Variants in MET observed in about 807,000 individuals in gnomAD.
The protein encoded by MET is MET proto-oncogene, receptor tyrosine kinase.
A neutral mutation model predicts 133.1 loss-of-function variants in MET; 48 were observed. The ratio of observed to expected loss-of-function variants is 0.36; its 90% CI spans 0.29 to 0.46. The LOEUF (loss-of-function observed/expected upper bound fraction) is 0.46. MET is among the 20% of genes least tolerant of loss of function. The pLI is 1.00. For synonymous variants in MET, 628 were observed against 616.5 expected, an observed-to-expected ratio of 1.02 and a Z score of -0.28; for missense variants, 1,442 against 1,695.9, an observed-to-expected ratio of 0.85 and a Z score of 2.63.
intron 5 of MET, among the ~76,000 whole-genome samples, chr7:116,754,903 GAA>G (rs1794074790): frequency 1.2e-5 from 1 of 81,400 alleles, no homozygotes; most frequent in East Asian, 4.5e-4. Flanking sequence ...GAGAAAGAAA[GAA>G]AGAAAGAAAG....
At chr7:116,780,050 G>A (rs1179192792) in intron 17 of MET, among the ~76,000 whole-genome samples, 1 of 152,184 alleles carries the variant, frequency 6.6e-6, no homozygotes, top group African/African-American at 2.4e-5. Context: ...CACTGCTGTG[G>A]CTCCAACACC....
intron 19 of MET, among the ~76,000 whole-genome samples, chr7:116,789,045 C>G (rs1229728910): frequency 6.6e-6 from 1 of 152,176 alleles, no homozygotes; most frequent in East Asian, 1.9e-4. Flanking sequence ...CAGCCCTTAT[C>G]TGCCTCATCT....
Position 116,757,552 on chromosome 7 carries a change from C to G in MET, c.1965+13C>G, listed in dbSNP as rs755216488. On this transcript the variant is annotated intron_variant, in intron 7 of 20. Coordinates refer to ENST00000397752, the MANE Select transcript of MET (RefSeq NM_000245.4). ...ATTCTCCTATGTGGTAAGGAAGATT[C>G]TATCCTATCATGTTTGATTTTTACT... 2 of 1,612,970 alleles carry G rather than the reference C, an allele frequency of 1.2e-6. No homozygotes were observed. The highest frequency in any genetic ancestry group is 3.3e-5 in the Admixed American group (2 of 59,996).
At position 116,749,691 on chromosome 7, in the gene MET, A is replaced by T. The variant is rs1378925174; in HGVS notation, c.1702-5664A>T. The stretch of plus-strand genomic sequence containing the variant: ...ATTGTCTCTGTTTGCAGATGACATG[A>T]TTGCATATTTAGAAAACCCCATCGT... On this transcript the variant is annotated intron_variant, in intron 5 of 20. Coordinates refer to ENST00000397752, the MANE Select transcript of MET (RefSeq NM_000245.4). Among the ~76,000 whole-genome samples the T allele has an allele frequency of 2.6e-5, 4 of 152,200 alleles. No individual in the cohort carries two copies. In the South Asian group the frequency reaches 6.2e-4, roughly 24 times the overall value.
In MET at chr7:116,718,393, A is replaced by AAATG. The variant is rs1169031386; in HGVS notation, c.1201-13272_1201-13271insGAAT. Among the ~76,000 whole-genome samples the AAATG allele has an allele frequency of 9.6e-4, 146 of 152,152 alleles. 1 individual carries two copies. Among genetic ancestry groups the AAATG allele is most frequent in the African/African-American group, 3.4e-3 (142 of 41,542 alleles). On this transcript the variant is annotated intron_variant, in intron 2 of 20. Coordinates refer to ENST00000397752, the MANE Select transcript of MET (RefSeq NM_000245.4). ...ACAGAGCTAGACTCCATCTCAAAAT[A>AAATG]AATAAATAAATAAAAATTTTAAAAA...
At chr7:116,758,334 G>A in intron 8 of MET, 125 bp from the exon 9 acceptor site, 3 of 939,662 alleles carry the variant, frequency 3.2e-6, no homozygotes, top group Non-Finnish European at 5.0e-6. Context: ...CACTAGAAAA[G>A]GCTTCCACTC....
chr7:116,728,813 C>A (rs1792888966), intron 2 of MET, among the ~76,000 whole-genome samples: 1 of 152,202 alleles, frequency 6.6e-6, no homozygotes, highest in Non-Finnish European at 1.5e-5. Context: ...CTCATTCACA[C>A]CCACCAGATT....
intron 17 of MET, among the ~76,000 whole-genome samples, chr7:116,781,345 T>C (rs188149889): frequency 6.6e-6 from 1 of 152,322 alleles, no homozygotes; most frequent in African/African-American, 2.4e-5. Context: ...ATCTTTTCAA[T>C]GGCAGTTGTC....
At chr7:116,689,340 T>C (rs1277010675) in intron 1 of MET, among the ~76,000 whole-genome samples, 1 of 152,134 alleles carries the variant, frequency 6.6e-6, no homozygotes, top group Non-Finnish European at 1.5e-5. Flanking sequence ...AACAGATAAA[T>C]AGATTTGGCC....
At chr7:116,769,034 ATGAATTCAC>A in intron 11 of MET, among the ~76,000 whole-genome samples, 1 of 152,354 alleles carries the variant, frequency 6.6e-6, no homozygotes, top group South Asian at 2.1e-4. Flanking sequence ...TTCTTTTAAA[ATGAATTCAC>A]TTATGTATAG....
At chr7:116,771,277 A>G (rs1794819362) in intron 12 of MET, among the ~76,000 whole-genome samples, 1 of 152,204 alleles carries the variant, frequency 6.6e-6, no homozygotes, top group South Asian at 2.1e-4. Context: ...AGTTACAAAT[A>G]CAAACAGCTA....
intron 14 of MET, among the ~76,000 whole-genome samples, chr7:116,774,668 A>T (rs35514449): frequency 6.6e-6 from 1 of 152,246 alleles, no homozygotes; most frequent in African/African-American, 2.4e-5. Flanking sequence ...GTCTAAGGAA[A>T]TGAGGGTAAA....
At chr7:116,754,962 AGAAG>A (rs1355101551) in intron 5 of MET, among the ~76,000 whole-genome samples, 1 of 144,420 alleles carries the variant, frequency 6.9e-6, no homozygotes, top group African/African-American at 2.5e-5. Flanking sequence ...AGAAAGAAAG[AGAAG>A]GAAGGAAGCA....
chr7:116,728,424 A>C (rs1316926135), intron 2 of MET, among the ~76,000 whole-genome samples: 1 of 152,192 alleles, frequency 6.6e-6, no homozygotes, highest in Non-Finnish European at 1.5e-5. Flanking sequence ...ATATTGCATT[A>C]ACTCTAATAC....
chr7:116,778,101 G>A (rs1450330667), intron 16 of MET, among the ~76,000 whole-genome samples: 4 of 152,138 alleles, frequency 2.6e-5, no homozygotes, highest in Non-Finnish European at 5.9e-5. Flanking sequence ...CTGTTTAAGG[G>A]AATGCTTCCA....
At chr7:116,723,574 C>A (rs924354091) in intron 2 of MET, among the ~76,000 whole-genome samples, 90 of 152,260 alleles carry the variant, frequency 5.9e-4, no homozygotes, top group African/African-American at 2.0e-3. Context: ...TTTAGAGTTT[C>A]CAGTTTTTCT....
At chr7:116,795,506 T>C in intron 19 of MET, 149 bp from the exon 20 acceptor site, 1 of 959,688 alleles carries the variant, frequency 1.0e-6, no homozygotes, top group East Asian at 2.4e-5. Flanking sequence ...ATGTATAGCT[T>C]AATAATTGCC....
rs201726372 is a variant in MET, at chr7:116,778,968, T to C, written c.3522+11T>C. The C allele has an allele frequency of 3.1e-6, 5 of 1,613,404 alleles. No individual in the cohort carries two copies. The highest frequency in any genetic ancestry group is 3.4e-6 in the Non-Finnish European group (4 of 1,179,804). The stretch of plus-strand genomic sequence containing the variant: ...CGAAATGAGACTCATGTAAGTTGAC[T>C]GCCAAGCTTACTAACTGGCAAACTA... On this transcript the variant is annotated intron_variant, in intron 17 of 20. Coordinates refer to ENST00000397752, the MANE Select transcript of MET (RefSeq NM_000245.4).
chr7:116,747,882 C>T (rs1793753294), intron 5 of MET, among the ~76,000 whole-genome samples: 2 of 152,224 alleles, frequency 1.3e-5, no homozygotes, highest in Non-Finnish European at 2.9e-5. Flanking sequence ...GGCAGTAAAA[C>T]ACTCCTCAGC....
Sources: gnomAD v4.1 joint callset for allele counts (sites outside exome capture counted in the v4.1 genomes callset) on GRCh38, gnomAD v4.1.1 for gene constraint, MANE v1.5 for transcripts, NCBI Gene and HGNC (gene_info 2026-07-23, HGNC 2026-07-21) for gene names.